Variants in TLL1 observed in about 807,000 individuals in gnomAD.
The protein encoded by TLL1 is tolloid like 1, also known as tolloid-like protein 1.
TLL1 carries 49 observed loss-of-function variants against 128.2 expected under a neutral mutation model. The ratio of observed to expected loss-of-function variants is 0.38; its 90% confidence interval spans 0.30 to 0.48. The LOEUF (loss-of-function observed/expected upper bound fraction) is 0.48, where lower values mean the gene tolerates loss of function less well. Ranked by LOEUF, TLL1 falls within the 20% of genes least tolerant of loss-of-function variation. The pLI is 0.96. For synonymous variants in TLL1, 454 were observed against 418.8 expected, an observed-to-expected ratio of 1.08 and a Z score of -1.03; for missense variants, 1,123 against 1,242.0, an observed-to-expected ratio of 0.90 and a Z score of 1.44.
intron 1 of TLL1, among the ~76,000 whole-genome samples, chr4:165,949,656 C>T (rs755457931): frequency 1.5e-4 from 23 of 151,992 alleles, no homozygotes; most frequent in African/African-American, 4.1e-4. Flanking sequence ...TGGTGGCAGA[C>T]GAGAACAGAG....
intron 1 of TLL1, among the ~76,000 whole-genome samples, chr4:165,874,442 A>G (rs1730633463): frequency 6.6e-6 from 1 of 152,134 alleles, no homozygotes; most frequent in African/African-American, 2.4e-5. Context: ...TGGAAGGGAC[A>G]CCGTCTTCTT....
chr4:166,066,455 C>T (rs1399389822), intron 16 of TLL1, among the ~76,000 whole-genome samples: 2 of 151,664 alleles, frequency 1.3e-5, no homozygotes, highest in Non-Finnish European at 2.9e-5. Flanking sequence ...ATTTTTTTCT[C>T]AATCTCAGAA....
chr4:166,090,921 A>G (rs1005347629), intron 18 of TLL1, among the ~76,000 whole-genome samples: 7 of 152,038 alleles, frequency 4.6e-5, no homozygotes, highest in African/African-American at 1.7e-4. Flanking sequence ...GGAATTTCAT[A>G]TGAAGTTATT....
Position 165,873,858 on chromosome 4 carries a change from G to T in TLL1, c.-47G>T. 1 of 1,610,362 alleles carries T rather than the reference G, an allele frequency of 6.2e-7. No homozygotes were observed. Among genetic ancestry groups the T allele is most frequent in the Non-Finnish European group, 8.5e-7 (1 of 1,178,460 alleles). On this transcript the variant is annotated 5_prime_UTR_variant, in exon 1 of 21. Coordinates refer to ENST00000061240, the MANE Select transcript of TLL1 (RefSeq NM_012464.5). ...CCGCACATCAGCGCGGACCGCGGCT[G>T]CCTAACCTCTGGGTCCCGTCCCCTC...
intron 18 of TLL1, among the ~76,000 whole-genome samples, chr4:166,082,401 A>G (rs951010639): frequency 1.3e-5 from 2 of 152,196 alleles, no homozygotes; most frequent in Non-Finnish European, 2.9e-5. Flanking sequence ...CCATTTTGAC[A>G]TTATAATTGC....
At chr4:165,953,784 G>T (rs1180345063) in intron 1 of TLL1, among the ~76,000 whole-genome samples, 1 of 151,792 alleles carries the variant, frequency 6.6e-6, no homozygotes, top group African/African-American at 2.4e-5. Context: ...AGGGAGAAGG[G>T]GTTTCTGAAA....
chr4:165,901,628 G>A (rs895878453), intron 1 of TLL1, among the ~76,000 whole-genome samples: 5 of 152,204 alleles, frequency 3.3e-5, no homozygotes, highest in African/African-American at 1.2e-4. Flanking sequence ...CTTTGTCCCA[G>A]AGGGGCACCA....
chr4:165,923,269 A>G (rs571639949), intron 1 of TLL1, among the ~76,000 whole-genome samples: 1 of 152,116 alleles, frequency 6.6e-6, no homozygotes, highest in South Asian at 2.1e-4. Context: ...GTCAATAATC[A>G]GACATTGCTG....
intron 1 of TLL1, among the ~76,000 whole-genome samples, chr4:165,930,013 T>C (rs907500163): frequency 2.6e-4 from 40 of 152,322 alleles, no homozygotes; most frequent in African/African-American, 8.9e-4. Flanking sequence ...CGCTATGAAT[T>C]TGTCACAACT....
chr4:166,090,120 G>T (rs909433952), intron 18 of TLL1, among the ~76,000 whole-genome samples: 1 of 151,862 alleles, frequency 6.6e-6, no homozygotes, highest in East Asian at 1.9e-4. Flanking sequence ...TTTGTTGGAG[G>T]GATTATAGCA....
At position 165,998,721 on chromosome 4, in the gene TLL1, T is replaced by C. The variant is rs957080704; in HGVS notation, c.632+3543T>C. Among the ~76,000 whole-genome samples the C allele has an allele frequency of 4.6e-5, 7 of 150,920 alleles. No homozygotes were observed. The South Asian group carries it at 6.3e-4, about 14-fold the overall frequency. On this transcript the variant is annotated intron_variant, in intron 5 of 20. Transcript: ENST00000061240. ...CTGAGGCAGGAGAATGGCGTGAACCTGGGAGGCGGAGCTTGCAGTGAGCCG... is the reference window on the plus strand; with the variant it reads ...CTGAGGCAGGAGAATGGCGTGAACCCGGGAGGCGGAGCTTGCAGTGAGCCG...
chr4:165,982,003 C>T (rs762530930), intron 1 of TLL1, among the ~76,000 whole-genome samples: 8 of 151,888 alleles, frequency 5.3e-5, no homozygotes, highest in African/African-American at 9.7e-5. Flanking sequence ...GTTTCTGACG[C>T]GGAATAATTT....
At chr4:165,875,415 T>G (rs1398676224) in intron 1 of TLL1, among the ~76,000 whole-genome samples, 1 of 152,240 alleles carries the variant, frequency 6.6e-6, no homozygotes, top group Non-Finnish European at 1.5e-5. Flanking sequence ...TCTTTCTCGG[T>G]GCATCCTTAA....
At chr4:166,026,713 C>A (rs1738513224) in intron 9 of TLL1, among the ~76,000 whole-genome samples, 1 of 150,468 alleles carries the variant, frequency 6.6e-6, no homozygotes. Flanking sequence ...CAAAAACAAA[C>A]CCCAAGGAAA....
intron 16 of TLL1, 29 bp downstream of exon 16, chr4:166,065,892 T>C: frequency 1.4e-5 from 22 of 1,604,440 alleles, no homozygotes; most frequent in Non-Finnish European, 1.9e-5. Flanking sequence ...TGTATGTGTA[T>C]ATTACAGATT....
intron 9 of TLL1, among the ~76,000 whole-genome samples, chr4:166,037,624 A>G (rs758989624): frequency 9.9e-5 from 15 of 152,108 alleles, no homozygotes; most frequent in Non-Finnish European, 1.9e-4. Flanking sequence ...CCTGGCCAAC[A>G]TGGTGAAACT....
chr4:166,020,266 AG>A (rs1308620301), intron 8 of TLL1, among the ~76,000 whole-genome samples: 1 of 152,212 alleles, frequency 6.6e-6, no homozygotes, highest in Admixed American at 6.5e-5. Context: ...TTCACGCATA[AG>A]GCATTTTAAA....
intron 1 of TLL1, among the ~76,000 whole-genome samples, chr4:165,900,510 A>G (rs1731931305): frequency 6.6e-6 from 1 of 152,164 alleles, no homozygotes; most frequent in African/African-American, 2.4e-5. Context: ...GTTTGGCTGG[A>G]TATGAAATTC....
intron 19 of TLL1, among the ~76,000 whole-genome samples, chr4:166,097,871 G>A (rs893012751): frequency 4.6e-5 from 7 of 151,946 alleles, no homozygotes; most frequent in Non-Finnish European, 1.0e-4. Context: ...CCTGCTTCCC[G>A]GAAACTCTTT....
Sources: gnomAD v4.1 joint callset for allele counts (sites outside exome capture counted in the v4.1 genomes callset) on GRCh38, gnomAD v4.1.1 for gene constraint, MANE v1.5 for transcripts, NCBI Gene and HGNC (gene_info 2026-07-23, HGNC 2026-07-21) for gene names.